The following NRXN1 variants were observed in gnomAD, a reference collection of about 807,000 sequenced individuals.
NRXN1 encodes the protein neurexin 1, also known as neurexin-1.
NRXN1 carries 39 observed loss-of-function variants against 150.9 expected under a neutral mutation model. That is an observed-to-expected ratio of 0.26 (90% CI 0.20 to 0.34). The LOEUF (loss-of-function observed/expected upper bound fraction) is 0.34, where lower values mean the gene tolerates loss of function less well. NRXN1 is among the 10% of genes least tolerant of loss of function. The probability of loss-of-function intolerance (pLI) is 1.00; values close to 1 mark genes in which losing one functional copy is unlikely to be tolerated. For missense variants in NRXN1, 1,815 were observed against 1,949.9 expected (o/e 0.93, Z 1.30); for synonymous variants, 924 against 757.0 (o/e 1.22, Z -3.62).
chr2:50,313,832 A>C (rs1262368886), intron 17 of NRXN1, among the ~76,000 whole-genome samples: 1 of 152,102 alleles, frequency 6.6e-6, no homozygotes, highest in Non-Finnish European at 1.5e-5. Flanking sequence ...TCGTGTTTTC[A>C]TGATTTTACT....
intron 8 of NRXN1, among the ~76,000 whole-genome samples, chr2:50,564,668 G>A (rs1038199300): frequency 1.3e-5 from 2 of 152,144 alleles, no homozygotes; most frequent in African/African-American, 4.8e-5. Context: ...GCCTTTTCTA[G>A]GTTTGCTAAA....
chr2:50,572,398 C>A (rs113410200), intron 8 of NRXN1, among the ~76,000 whole-genome samples: 1 of 152,042 alleles, frequency 6.6e-6, no homozygotes, highest in Non-Finnish European at 1.5e-5. Context: ...GATCTAGCTC[C>A]TTCTGTTTTT....
At chr2:50,291,154 G>C (rs913918481) in intron 17 of NRXN1, among the ~76,000 whole-genome samples, 1 of 146,518 alleles carries the variant, frequency 6.8e-6, no homozygotes, top group African/African-American at 2.6e-5. Context: ...AAAAGGCTCT[G>C]AATTAAGGGG....
At chr2:50,756,868 G>T (rs547852575) in intron 5 of NRXN1, among the ~76,000 whole-genome samples, 2 of 151,856 alleles carry the variant, frequency 1.3e-5, no homozygotes, top group South Asian at 2.1e-4. Context: ...GTTCCTAAAA[G>T]AATCAATAAA....
intron 2 of NRXN1, among the ~76,000 whole-genome samples, chr2:50,940,586 T>G (rs964120075): frequency 6.6e-6 from 1 of 152,036 alleles, no homozygotes; most frequent in Non-Finnish European, 1.5e-5. Context: ...AGAAATAGTG[T>G]CAATAACTAA....
chr2:50,598,284 G>A (rs1169733818), intron 8 of NRXN1, among the ~76,000 whole-genome samples: 1 of 152,048 alleles, frequency 6.6e-6, no homozygotes, highest in Admixed American at 6.6e-5. Flanking sequence ...TCACAGCACA[G>A]AGGAGGGAAA....
intron 13 of NRXN1, 77 bp downstream of exon 13, chr2:50,506,418 G>GCA: frequency 7.3e-7 from 1 of 1,372,074 alleles, no homozygotes; most frequent in Non-Finnish European, 1.0e-6. Flanking sequence ...TACCAGCCTT[G>GCA]GTGTGCAAAA....
At chr2:50,451,551 A>G (rs1317115754) in intron 17 of NRXN1, among the ~76,000 whole-genome samples, 3 of 152,220 alleles carry the variant, frequency 2.0e-5, no homozygotes, top group Non-Finnish European at 4.4e-5. Flanking sequence ...CTTGCTCTGC[A>G]TCGGTTCTTC....
chr2:50,760,198 A>C (rs951304074), intron 5 of NRXN1, among the ~76,000 whole-genome samples: 3 of 151,928 alleles, frequency 2.0e-5, no homozygotes, highest in African/African-American at 7.2e-5. Context: ...GGAGCTTGGA[A>C]AACGGATCTG....
chr2:50,989,319 A>G (rs1698192726), intron 2 of NRXN1, among the ~76,000 whole-genome samples: 1 of 152,034 alleles, frequency 6.6e-6, no homozygotes, highest in African/African-American at 2.4e-5. Flanking sequence ...CAATTGTTAA[A>G]GTTATTTATG....
At position 50,675,404 on chromosome 2, in the gene NRXN1, A is replaced by G. The variant is rs1417505150; in HGVS notation, c.833-51789T>C. Among the ~76,000 whole-genome samples the G allele has an allele frequency of 3.9e-5, 6 of 152,162 alleles. No homozygotes were observed. The East Asian group carries it at 1.2e-3, about 29-fold the overall frequency. On this transcript the variant is annotated intron_variant, in intron 5 of 22. Coordinates refer to ENST00000401669, the MANE Select transcript of NRXN1 (RefSeq NM_001330078.2). ...ATAGACAGATTTCGAGAATGACTTAATTCATTGTGTTAGACTACAACTGCT... is the reference window on the plus strand; with the variant it reads ...ATAGACAGATTTCGAGAATGACTTAGTTCATTGTGTTAGACTACAACTGCT...
chr2:50,755,285 T>C (rs1263384389), intron 5 of NRXN1, among the ~76,000 whole-genome samples: 2 of 151,914 alleles, frequency 1.3e-5, no homozygotes, highest in African/African-American at 4.8e-5. Flanking sequence ...GTCAGTAACC[T>C]CTCAGAGTCT....
At chr2:50,489,991 A>G (rs1425010339) in intron 15 of NRXN1, among the ~76,000 whole-genome samples, 2 of 152,214 alleles carry the variant, frequency 1.3e-5, no homozygotes, top group Admixed American at 6.5e-5. Context: ...ACAGATTGAG[A>G]CAAATTCTGC....
At chr2:50,507,645 A>AG (rs942278758) in intron 12 of NRXN1, among the ~76,000 whole-genome samples, 2 of 151,650 alleles carry the variant, frequency 1.3e-5, no homozygotes, top group African/African-American at 4.8e-5. Context: ...TCAAAAAAAA[A>AG]AAAAAAAAAA....
At chr2:50,686,060 A>G (rs139184794) in intron 5 of NRXN1, among the ~76,000 whole-genome samples, 1 of 152,110 alleles carries the variant, frequency 6.6e-6, no homozygotes, top group Non-Finnish European at 1.5e-5. Context: ...TCTGCTGTCT[A>G]TGGTGCCACA....
chr2:50,508,314 C>A (rs529185447), intron 12 of NRXN1, among the ~76,000 whole-genome samples: 1 of 151,874 alleles, frequency 6.6e-6, no homozygotes, highest in Admixed American at 6.6e-5. Context: ...CTAGATATAA[C>A]AGTTTTAAGA....
At chr2:50,964,374 G>A (rs1182427194) in intron 2 of NRXN1, among the ~76,000 whole-genome samples, 1 of 151,460 alleles carries the variant, frequency 6.6e-6, no homozygotes, top group African/African-American at 2.4e-5. Context: ...TTCATATACT[G>A]TAGCATAGAA....
intron 5 of NRXN1, among the ~76,000 whole-genome samples, chr2:50,718,245 G>C (rs1272440873): frequency 9.2e-5 from 14 of 151,968 alleles, no homozygotes; most frequent in Admixed American, 9.2e-4. Context: ...TATAAACATG[G>C]GTATGTTGTT....
At chr2:50,966,964 G>A (rs2104748407) in intron 2 of NRXN1, among the ~76,000 whole-genome samples, 1 of 151,898 alleles carries the variant, frequency 6.6e-6, no homozygotes, top group Admixed American at 6.6e-5. Flanking sequence ...CTTTGCTTTG[G>A]CAAATAATCT....
Sources: gnomAD v4.1 joint callset for allele counts (sites outside exome capture counted in the v4.1 genomes callset) on GRCh38, gnomAD v4.1.1 for gene constraint, MANE v1.5 for transcripts, NCBI Gene and HGNC (gene_info 2026-07-23, HGNC 2026-07-21) for gene names.